Variants in A2ML1 observed in about 807,000 individuals in gnomAD.
The protein encoded by A2ML1 is alpha-2-macroglobulin-like protein 1.
A neutral mutation model predicts 181.9 loss-of-function variants in A2ML1; 161 were observed. The observed-to-expected ratio is 0.89, with a 90% CI of 0.78 to 1.01. A2ML1 has a LOEUF of 1.01. Among genes scored for constraint, A2ML1 ranks in the 50% least tolerant of loss-of-function variants. The pLI, the probability that A2ML1 is intolerant of heterozygous loss-of-function variation, is 0.00. For missense variants in A2ML1, 1,670 were observed against 1,768.1 expected, an observed-to-expected ratio of 0.94 and a Z score of 1.00; for synonymous variants, 663 against 666.8, an observed-to-expected ratio of 0.99 and a Z score of 0.09.
chr12:8,863,753 T>G (rs753768090), intron 28 of A2ML1, 41 bp from the exon 29 acceptor site: 1 of 1,598,772 alleles, frequency 6.3e-7, no homozygotes, highest in Admixed American at 1.7e-5. Flanking sequence ...GGAAAGCCAG[T>G]TCCTTCTAAG....
At chr12:8,856,476 A>G (rs1044899917) in intron 23 of A2ML1, among the ~76,000 whole-genome samples, 9 of 152,206 alleles carry the variant, frequency 5.9e-5, no homozygotes, top group Non-Finnish European at 1.3e-4. Flanking sequence ...TGCAGATGTT[A>G]ATGAGTCACT....
At chr12:8,833,022 G>C (rs931924717) in intron 4 of A2ML1, among the ~76,000 whole-genome samples, 1 of 134,724 alleles carries the variant, frequency 7.4e-6, no homozygotes, top group Non-Finnish European at 1.5e-5. Context: ...TGCCCAGGTT[G>C]GAGTGCAGTA....
At chr12:8,831,189 G>A (rs1943101638) in intron 4 of A2ML1, among the ~76,000 whole-genome samples, 1 of 152,056 alleles carries the variant, frequency 6.6e-6, no homozygotes, top group Admixed American at 6.6e-5. Context: ...TTGAGCTCCT[G>A]GCCTCTCTCG....
At chr12:8,855,484 T>C (rs1565483649) in intron 22 of A2ML1, 25 bp from the exon 23 acceptor site, 4 of 1,611,578 alleles carry the variant, frequency 2.5e-6, no homozygotes, top group Non-Finnish European at 3.4e-6. Context: ...TTCTATTGTG[T>C]CACCTTTTTT....
chr12:8,822,784 A>G, intron 1 of A2ML1, 71 bp downstream of exon 1: 3 of 1,432,978 alleles, frequency 2.1e-6, no homozygotes, highest in Non-Finnish European at 2.0e-6. Flanking sequence ...AAACATTTAT[A>G]TGGAGATGGG....
Position 8,843,149 on chromosome 12 carries a change from G to A in A2ML1, c.1264G>A (p.Glu422Lys), listed in dbSNP as rs376571470. 1.2e-6 allele frequency: 2 copies of A among 1,613,886 alleles called. No homozygotes were observed. Among genetic ancestry groups the A allele is most frequent in the African/African-American group, 1.3e-5 (1 of 74,890 alleles). ...TTATTCTCAGGGAAAGTTTCAAATGGAAGACTTAGTATATAATCCGGAACA... is the reference window on the plus strand; with the variant it reads ...TTATTCTCAGGGAAAGTTTCAAATGAAAGACTTAGTATATAATCCGGAACA... Reference protein sequence around the residue: ...DVSLEGKFQMEDLVYNPEQVP... With the variant: ...DVSLEGKFQMKDLVYNPEQVP... The change falls in exon 12 of 36, where the codon GAA becomes AAA. Residue 422 changes from glutamate (E) to lysine (K), a missense_variant. Physicochemically the swap from Glu to Lys is moderately conservative, Grantham distance 56 (BLOSUM62 1). Transcript: ENST00000299698.
chr12:8,829,516 G>A (rs1943040188), intron 3 of A2ML1, among the ~76,000 whole-genome samples: 2 of 152,076 alleles, frequency 1.3e-5, no homozygotes, highest in Admixed American at 6.6e-5. Context: ...TTAGCCAAGT[G>A]TGGTGGCACC....
intron 23 of A2ML1, 129 bp downstream of exon 23, chr12:8,855,721 C>T (rs1944042626): frequency 1.4e-5 from 12 of 832,312 alleles, no homozygotes; most frequent in African/African-American, 5.1e-5. Context: ...GGAAAAAGAG[C>T]GTATTTTATA....
Position 8,874,553 on chromosome 12 carries a change from T to G in A2ML1, c.4324+26T>G, listed in dbSNP as rs76491432. ...GTGAGAGGGCTGAGCTGAAATGAGA[T>G]CTGAGATCTTACCTGCATCTCCCAA... On this transcript the variant is annotated intron_variant, in intron 34 of 35. Transcript: ENST00000299698. The G allele has an allele frequency of 2.7e-3, 4,236 of 1,558,336 alleles. 111 individuals carry two copies. The African/African-American group carries it at 0.049, about 18-fold the overall frequency.
At chr12:8,881,947 C>T (rs1365073284) in intron 7 of A2ML1, among the ~76,000 whole-genome samples, 1 of 151,464 alleles carries the variant, frequency 6.6e-6, no homozygotes, top group Non-Finnish European at 1.5e-5. Flanking sequence ...GGAGGTGGAG[C>T]TTGCAGTGAG....
At chr12:8,867,503 C>T (rs767362584) in intron 29 of A2ML1, among the ~76,000 whole-genome samples, 1 of 152,074 alleles carries the variant, frequency 6.6e-6, no homozygotes, top group Non-Finnish European at 1.5e-5. Context: ...CAAAATTAGC[C>T]GGATGTGGTG....
At chr12:8,843,421 G>T (rs1592124351) in intron 12 of A2ML1, 60 bp downstream of exon 12, 1 of 1,542,190 alleles carries the variant, frequency 6.5e-7, no homozygotes, top group East Asian at 2.3e-5. Flanking sequence ...AATGAGAAGA[G>T]TCAGCCAGAG....
At chr12:8,838,496 G>C in intron 9 of A2ML1, 46 bp downstream of exon 9, 1 of 1,493,418 alleles carries the variant, frequency 6.7e-7, no homozygotes, top group Non-Finnish European at 9.3e-7. Flanking sequence ...GAAAGAAAAA[G>C]GGCTGGTCCC....
At chr12:8,845,127 G>A (rs1943623147) in intron 12 of A2ML1, 3 of 1,477,434 alleles carry the variant, frequency 2.0e-6, no homozygotes. Flanking sequence ...AAGATTATAA[G>A]AAAATAAAAT....
Position 8,857,517 on chromosome 12 carries a change from G to A in A2ML1, c.3036G>A (p.Lys1012=), listed in dbSNP as rs1944110696. The change falls in exon 25 of 36, where the codon AAG becomes AAA. Residue 1012 remains lysine (K), a synonymous_variant. Coordinates refer to ENST00000299698, the MANE Select transcript of A2ML1 (RefSeq NM_144670.6). ...AVGFLEIGYQ[K]ELMYKHSNGS... ...CATTTGGCTTCCCAGGGTACCAGAAGGAGCTGATGTACAAACACAGCAATG... is the reference window on the plus strand; with the variant it reads ...CATTTGGCTTCCCAGGGTACCAGAAAGAGCTGATGTACAAACACAGCAATG... The A allele has an allele frequency of 1.2e-6, 2 of 1,611,992 alleles. No individual in the cohort carries two copies. Among genetic ancestry groups the A allele is most frequent in the Non-Finnish European group, 1.7e-6 (2 of 1,179,324 alleles).
rs374408168 is a variant in A2ML1, at chr12:8,851,944, T to G, written c.2395T>G (p.Ser799Ala). 5.4e-5 allele frequency: 87 copies of G among 1,614,062 alleles called. No individual in the cohort carries two copies. In the African/African-American group the frequency reaches 1.0e-3, roughly 19 times the overall value. Residue 799 changes from serine (S) to alanine (A), a missense_variant, in exon 19 of 36, where the codon TCA becomes GCA. Physicochemically the swap from Ser to Ala is moderately conservative, Grantham distance 99 (BLOSUM62 1). Coordinates refer to ENST00000299698, the MANE Select transcript of A2ML1 (RefSeq NM_144670.6). ...PFFVDLTLPY[S>A]VVRGESFRLT... Reference sequence around the variant, plus strand: ...CTTTGTTGACCTGACTCTCCCTTACTCAGTAGTCCGTGGGGAATCCTTTCG... The same window carrying G: ...CTTTGTTGACCTGACTCTCCCTTACGCAGTAGTCCGTGGGGAATCCTTTCG...
chr12:8,886,200 G>T (rs1944920371), intron 7 of A2ML1, among the ~76,000 whole-genome samples: 1 of 152,092 alleles, frequency 6.6e-6, no homozygotes, highest in East Asian at 1.9e-4. Flanking sequence ...TGGGAATTTG[G>T]GAGGATTGCT....
At position 8,852,165 on chromosome 12, in the gene A2ML1, T is replaced by A; in HGVS notation, c.2464-45T>A. The A allele has an allele frequency of 6.2e-7, 1 of 1,612,396 alleles. No individual in the cohort carries two copies. Among genetic ancestry groups the A allele is most frequent in the Non-Finnish European group, 8.5e-7 (1 of 1,179,318 alleles). The stretch of plus-strand genomic sequence containing the variant: ...CAGGTTTCCCCAGGCCTCTATGCAC[T>A]ACCTCCTTTGTTTGTACCCTTTGTC... On this transcript the variant is annotated intron_variant, in intron 19 of 35. Coordinates refer to ENST00000299698, the MANE Select transcript of A2ML1 (RefSeq NM_144670.6). The surrounding 1 kb of genome is among the most constrained non-coding windows in gnomAD (Gnocchi z 4.2).
At chr12:8,873,344 A>G (rs1944693070) in intron 33 of A2ML1, among the ~76,000 whole-genome samples, 1 of 151,556 alleles carries the variant, frequency 6.6e-6, no homozygotes, top group Non-Finnish European at 1.5e-5. Flanking sequence ...GGTTCAAATG[A>G]TCCTTCCACC....
Sources: allele counts gnomAD v4.1 joint callset (sites outside exome capture counted in the v4.1 genomes callset), GRCh38; gene constraint gnomAD v4.1.1; non-coding constraint Gnocchi (gnomAD v3.1); transcripts MANE v1.5; gene names NCBI Gene and HGNC (gene_info 2026-07-23, HGNC 2026-07-21).